RIT2: variants seen among roughly 807,000 people sequenced by gnomAD.
RIT2 encodes GTP-binding protein Rit2.
Under a neutral mutation model 23.7 loss-of-function variants are expected in RIT2, and 24 were observed. The ratio of observed to expected loss-of-function variants is 1.01; its 90% CI spans 0.73 to 1.43. RIT2 has a LOEUF of 1.43. Among genes scored for constraint, RIT2 ranks in the 40% most tolerant of loss-of-function variants. The pLI is 0.00. For synonymous variants in RIT2, 107 were observed against 91.1 expected (o/e 1.17, Z -0.99); for missense variants, 236 against 266.9 (o/e 0.88, Z 0.81).
intron 4 of RIT2, among the ~76,000 whole-genome samples, chr18:42,813,772 C>T (rs925908530): frequency 8.5e-5 from 13 of 152,252 alleles, no homozygotes; most frequent in South Asian, 2.1e-4. Flanking sequence ...TGGAGGCTTG[C>T]GTCATGATAC....
At chr18:42,916,456 T>G (rs561799719) in intron 4 of RIT2, among the ~76,000 whole-genome samples, 9 of 152,226 alleles carry the variant, frequency 5.9e-5, no homozygotes, top group Admixed American at 5.9e-4. Context: ...GCTACTCTGT[T>G]TTACAGCTGA....
At chr18:42,945,899 G>A (rs1909717060) in intron 3 of RIT2, among the ~76,000 whole-genome samples, 1 of 152,198 alleles carries the variant, frequency 6.6e-6, no homozygotes, top group East Asian at 1.9e-4. Context: ...GGAAGTATTT[G>A]CATGAGGAAA....
chr18:43,107,063 C>T (rs1913839996), intron 1 of RIT2, among the ~76,000 whole-genome samples: 1 of 152,146 alleles, frequency 6.6e-6, no homozygotes. Flanking sequence ...CAGTCGCAAT[C>T]CCACCACACT....
At chr18:42,749,207 A>G (rs970037348) in intron 4 of RIT2, among the ~76,000 whole-genome samples, 1 of 151,970 alleles carries the variant, frequency 6.6e-6, no homozygotes, top group Non-Finnish European at 1.5e-5. Flanking sequence ...GAGAAAAAGT[A>G]TGTATTTAAA....
intron 2 of RIT2, among the ~76,000 whole-genome samples, chr18:42,985,275 T>C (rs1910684558): frequency 6.6e-6 from 1 of 152,116 alleles, no homozygotes; most frequent in East Asian, 1.9e-4. Context: ...AAGTTAAAGA[T>C]CATCTAAATA....
chr18:42,934,965 A>G (rs1475776735), intron 3 of RIT2, among the ~76,000 whole-genome samples: 1 of 152,218 alleles, frequency 6.6e-6, no homozygotes, highest in African/African-American at 2.4e-5. Context: ...TGGAAAATTA[A>G]AAGTGAAAGC....
chr18:42,762,329 G>C (rs1323864460), intron 4 of RIT2, among the ~76,000 whole-genome samples: 2 of 152,096 alleles, frequency 1.3e-5, no homozygotes, highest in Non-Finnish European at 2.9e-5. Context: ...TCAACCTGCA[G>C]AATCTTAAAC....
chr18:42,973,951 T>G (rs1196653251), intron 3 of RIT2, 123 bp downstream of exon 3: 8 of 614,612 alleles, frequency 1.3e-5, no homozygotes, highest in East Asian at 3.2e-5. Context: ...AATTCCTGAT[T>G]GTTATCACAA....
intron 4 of RIT2, among the ~76,000 whole-genome samples, chr18:42,887,491 T>C (rs1489041503): frequency 1.3e-5 from 2 of 152,044 alleles, no homozygotes; most frequent in East Asian, 3.9e-4. Context: ...TCCAAAACAC[T>C]GACAAAAACA....
intron 4 of RIT2, among the ~76,000 whole-genome samples, chr18:42,805,319 G>A (rs1385521667): frequency 1.3e-5 from 2 of 152,094 alleles, no homozygotes; most frequent in South Asian, 2.1e-4. Context: ...GAGAATTGGA[G>A]CCTGATTACC....
chr18:43,075,177 T>C (rs1242686534), intron 1 of RIT2, among the ~76,000 whole-genome samples: 1 of 152,216 alleles, frequency 6.6e-6, no homozygotes, highest in Non-Finnish European at 1.5e-5. Flanking sequence ...TGCTTTGATT[T>C]CATGCTTACC....
intron 2 of RIT2, among the ~76,000 whole-genome samples, chr18:43,015,482 TA>T (rs1009421830): frequency 1.5e-4 from 22 of 151,632 alleles, no homozygotes; most frequent in African/African-American, 4.8e-4. Context: ...GTTTTAGAAG[TA>T]AAAAAGTGAT....
In RIT2 at chr18:42,807,771, ATTACT is replaced by A. The variant is rs1019349708; in HGVS notation, c.427-64056_427-64052del. Among the ~76,000 whole-genome samples, 31 of 151,384 alleles carry A rather than the reference ATTACT, an allele frequency of 2.0e-4. No individual in the cohort carries two copies. The Admixed American group carries it at 2.1e-3, about 10-fold the overall frequency. On this transcript the variant is annotated intron_variant, in intron 4 of 4. Coordinates refer to ENST00000326695, the MANE Select transcript of RIT2 (RefSeq NM_002930.4). ...TAGAAGCACAAAGCCTAGAGGCAAG[ATTACT>A]TTAACACAAAGTGAATGTGTGTGTG... is the stretch of plus-strand genomic sequence containing the variant.
intron 1 of RIT2, among the ~76,000 whole-genome samples, chr18:43,067,139 T>A (rs1195409594): frequency 6.6e-6 from 1 of 151,840 alleles, no homozygotes; most frequent in Non-Finnish European, 1.5e-5. Flanking sequence ...TAGAGATGAG[T>A]AACTGAAGGA....
chr18:42,870,919 T>A (rs956354949), intron 4 of RIT2, among the ~76,000 whole-genome samples: 1 of 152,312 alleles, frequency 6.6e-6, no homozygotes, highest in East Asian at 1.9e-4. Flanking sequence ...TAATTTCCCA[T>A]AAAAGACTGA....
chr18:42,949,164 C>T (rs1909792587), intron 3 of RIT2: 1 of 394,950 alleles, frequency 2.5e-6, no homozygotes, highest in African/African-American at 2.1e-5. Flanking sequence ...AACTATACCA[C>T]ATATCTTCCT....
intron 1 of RIT2, among the ~76,000 whole-genome samples, chr18:43,036,570 A>C (rs1203981283): frequency 2.1e-5 from 3 of 145,612 alleles, no homozygotes; most frequent in Non-Finnish European, 3.0e-5. Context: ...CCTGCCCCGC[A>C]AAAACAAAAC....
intron 2 of RIT2, among the ~76,000 whole-genome samples, chr18:43,005,111 G>A (rs536465985): frequency 6.6e-6 from 1 of 151,744 alleles, no homozygotes; most frequent in Non-Finnish European, 1.5e-5. Context: ...ATTATAGAGT[G>A]CCCAACCCCT....
chr18:42,813,293 A>C (rs1007214148), intron 4 of RIT2, among the ~76,000 whole-genome samples: 4 of 152,196 alleles, frequency 2.6e-5, no homozygotes, highest in South Asian at 2.1e-4. Flanking sequence ...AAGAAGAATT[A>C]AGAAAATAAT....
Sources: allele counts gnomAD v4.1 joint callset (sites outside exome capture counted in the v4.1 genomes callset), GRCh38; gene constraint gnomAD v4.1.1; transcripts MANE v1.5; gene names NCBI Gene and HGNC (gene_info 2026-07-23, HGNC 2026-07-21).